Variants in LYRM4 observed in about 807,000 individuals in gnomAD.
LYRM4 encodes LYR motif containing 4.
In LYRM4, 9 loss-of-function variants were observed where a neutral mutation model predicts 11.7. The observed-to-expected ratio is 0.77, with a 90% confidence interval of 0.46 to 1.34. The LOEUF (loss-of-function observed/expected upper bound fraction) is 1.34. LYRM4 is among the 40% of genes most tolerant of loss of function. The pLI is 0.00. For missense variants in LYRM4, 133 were observed against 112.5 expected (o/e 1.18, Z -0.82); for synonymous variants, 42 against 40.4 (o/e 1.04, Z -0.15).
At chr6:5,064,014 C>A in the LYRM4 span, among the ~76,000 whole-genome samples, 1 of 152,224 alleles carries the variant, frequency 6.6e-6, no homozygotes, top group African/African-American at 2.4e-5. Flanking sequence ...AGGTTCACGG[C>A]TGAGTTCTTC....
intron 2 of LYRM4, among the ~76,000 whole-genome samples, chr6:5,127,928 T>C (rs1390782924): frequency 6.6e-6 from 1 of 152,232 alleles, no homozygotes; most frequent in Non-Finnish European, 1.5e-5. Context: ...GAAATAAATA[T>C]ACATTCACAG....
At chr6:5,033,861 G>C in the LYRM4 span, 2 of 152,178 alleles carry the variant, frequency 1.3e-5, no homozygotes, top group African/African-American at 2.4e-5. Context: ...ATCAATACTT[G>C]TGGCTTCACA....
chr6:5,153,872 C>T (rs577590547), intron 2 of LYRM4, among the ~76,000 whole-genome samples: 1 of 152,132 alleles, frequency 6.6e-6, no homozygotes, highest in African/African-American at 2.4e-5. Flanking sequence ...AACAGAGAGC[C>T]CGTCCCTTAG....
At chr6:5,071,604 GTA>G in the LYRM4 span, among the ~76,000 whole-genome samples, 16 of 151,772 alleles carry the variant, frequency 1.1e-4, no homozygotes, top group Non-Finnish European at 2.1e-4. Flanking sequence ...GTGTGTGTAT[GTA>G]TGTGTGTGTG....
chr6:5,207,789 A>G (rs779940480), intron 2 of LYRM4, among the ~76,000 whole-genome samples: 32 of 152,192 alleles, frequency 2.1e-4, no homozygotes, highest in Admixed American at 6.5e-4. Context: ...GATATGTGAT[A>G]AAGGAGCCTG....
chr6:5,185,854 G>T (rs1760359142), intron 2 of LYRM4, among the ~76,000 whole-genome samples: 1 of 152,102 alleles, frequency 6.6e-6, no homozygotes, highest in African/African-American at 2.4e-5. Flanking sequence ...TGAAAGCTTG[G>T]GCAGTGCCTG....
the LYRM4 span, among the ~76,000 whole-genome samples, chr6:5,038,935 C>G: frequency 1.4e-4 from 1 of 6,916 alleles, no homozygotes; most frequent in African/African-American, 3.6e-4. Context: ...AGAGGGAGAG[C>G]TTTAGCTTGT....
In LYRM4 at chr6:5,205,690, C is replaced by G. The variant is rs146639905; in HGVS notation, c.207+10928G>C. ...AAACAAAACACTAAGTTTGGCTCTG[C>G]TAAAATAGAACCTGGTTCAAAGCAA... is the stretch of plus-strand genomic sequence containing the variant. On this transcript the variant is annotated intron_variant, in intron 2 of 2. Transcript: ENST00000330636. Among the ~76,000 whole-genome samples the G allele has an allele frequency of 1.7e-3, 264 of 152,302 alleles. 2 individuals carry two copies. Among genetic ancestry groups the G allele is most frequent in the Middle Eastern group, 6.8e-3 (2 of 294 alleles).
chr6:5,246,368 G>C (rs1385322969), intron 1 of LYRM4, among the ~76,000 whole-genome samples: 1 of 152,208 alleles, frequency 6.6e-6, no homozygotes, highest in African/African-American at 2.4e-5. Flanking sequence ...TGGAGTGGCT[G>C]GGTGAGACCG....
chr6:5,110,955 G>A lies in LYRM4; in HGVS notation c.208-1464C>T, dbSNP rs573680581. The stretch of plus-strand genomic sequence containing the variant: ...ATCATCTTGAGGGCTGTGAGGAGCC[G>A]CACTGGTTTTCTCAGGGGCTACGGT... On this transcript the variant is annotated intron_variant, in intron 2 of 2. Transcript: ENST00000330636. 2.6e-5 allele frequency among the ~76,000 whole-genome samples: 4 copies of A among 152,286 alleles called. No homozygotes were observed. The South Asian group carries it at 6.2e-4, about 24-fold the overall frequency.
At chr6:5,205,295 G>A (rs558832812) in intron 2 of LYRM4, among the ~76,000 whole-genome samples, 25 of 151,812 alleles carry the variant, frequency 1.6e-4, no homozygotes, top group African/African-American at 5.1e-4. Flanking sequence ...TGCACTGGGT[G>A]TGCTGTGTGC....
At chr6:5,146,934 T>A (rs1003480913) in intron 2 of LYRM4, among the ~76,000 whole-genome samples, 2 of 152,140 alleles carry the variant, frequency 1.3e-5, no homozygotes, top group African/African-American at 2.4e-5. Flanking sequence ...AAGATGGCCA[T>A]TTTAGGTCAA....
At chr6:5,107,295 G>A (rs1291151530), downstream of LYRM4, 1 of 152,238 alleles carries the variant, frequency 6.6e-6, no homozygotes, top group East Asian at 1.9e-4. Flanking sequence ...TAAAACCTGG[G>A]GGAGTGGGAG....
intron 2 of LYRM4, among the ~76,000 whole-genome samples, chr6:5,208,041 A>G (rs1196659909): frequency 1.3e-5 from 2 of 152,120 alleles, no homozygotes; most frequent in African/African-American, 4.8e-5. Context: ...CCTTGGGAGA[A>G]TTACCCCAGC....
At chr6:5,246,695 G>A (rs1012029917) in intron 1 of LYRM4, among the ~76,000 whole-genome samples, 3 of 152,102 alleles carry the variant, frequency 2.0e-5, no homozygotes, top group Admixed American at 6.6e-5. Flanking sequence ...CGGGGAAGTT[G>A]GGGCGAGGAA....
At chr6:5,057,395 C>A in the LYRM4 span, among the ~76,000 whole-genome samples, 1 of 152,072 alleles carries the variant, frequency 6.6e-6, no homozygotes, top group Admixed American at 6.5e-5. Context: ...CGGAAGACAC[C>A]AAGGGACTCT....
At chr6:5,199,524 G>GA (rs1761263561) in intron 2 of LYRM4, among the ~76,000 whole-genome samples, 1 of 152,182 alleles carries the variant, frequency 6.6e-6, no homozygotes, top group Admixed American at 6.5e-5. Context: ...TGTGGTATGT[G>GA]AATCACATCT....
At chr6:5,117,885 G>GT (rs113970455) in intron 2 of LYRM4, among the ~76,000 whole-genome samples, 22 of 150,538 alleles carry the variant, frequency 1.5e-4, no homozygotes, top group South Asian at 1.3e-3. Context: ...TCTCTTAACA[G>GT]TTTTTTTTTC....
chr6:5,253,665 C>T (rs943713278), intron 1 of LYRM4, among the ~76,000 whole-genome samples: 4 of 152,020 alleles, frequency 2.6e-5, no homozygotes, highest in East Asian at 1.9e-4. Flanking sequence ...GCCTAGTCGC[C>T]GGCCATTGGA....
Sources: gnomAD v4.1 joint callset for allele counts (sites outside exome capture counted in the v4.1 genomes callset) on GRCh38, gnomAD v4.1.1 for gene constraint, MANE v1.5 for transcripts, NCBI Gene and HGNC (gene_info 2026-07-23, HGNC 2026-07-21) for gene names.